FAM91A1: variants seen among roughly 807,000 people sequenced by gnomAD.
FAM91A1 encodes the protein family with sequence similarity 91 member A1.
FAM91A1 carries 41 observed loss-of-function variants against 113.5 expected under a neutral mutation model. The ratio of observed to expected loss-of-function variants is 0.36; its 90% CI spans 0.28 to 0.47. The LOEUF (loss-of-function observed/expected upper bound fraction) is 0.47. Among genes scored for constraint, FAM91A1 ranks in the 20% least tolerant of loss-of-function variants. The pLI is 1.00. For missense variants in FAM91A1, 696 were observed against 1,001.2 expected (o/e 0.70, Z 4.11); for synonymous variants, 307 against 347.9 (o/e 0.88, Z 1.31).
chr8:123,803,753 T>C (rs1238544424), intron 18 of FAM91A1, among the ~76,000 whole-genome samples: 1 of 152,254 alleles, frequency 6.6e-6, no homozygotes, highest in Non-Finnish European at 1.5e-5. Context: ...TAATTTATTT[T>C]AGCCATCAGG....
chr8:123,773,777 G>A (rs1439131772), intron 1 of FAM91A1, among the ~76,000 whole-genome samples: 3 of 152,088 alleles, frequency 2.0e-5, no homozygotes, highest in Non-Finnish European at 4.4e-5. Context: ...GCAGAACTTA[G>A]TTCTTTGTTA....
chr8:123,805,349 G>A lies in FAM91A1; in HGVS notation c.1882+10G>A, dbSNP rs374804267. On this transcript the variant is annotated intron_variant, in intron 19 of 23. Coordinates refer to ENST00000334705, the MANE Select transcript of FAM91A1 (RefSeq NM_144963.4). ...ACAGAACTACAAGGAGGTACCTTTTGAATTGTATCTATTGACTTTTTTTTT... is the reference window on the plus strand; with the variant it reads ...ACAGAACTACAAGGAGGTACCTTTTAAATTGTATCTATTGACTTTTTTTTT... 1.6e-5 allele frequency: 25 copies of A among 1,590,934 alleles called. No individual in the cohort carries two copies. The highest frequency in any genetic ancestry group is 1.8e-5 in the Non-Finnish European group (21 of 1,167,226).
At chr8:123,811,190 A>T (rs1815945176) in intron 23 of FAM91A1, 1 of 152,178 alleles carries the variant, frequency 6.6e-6, no homozygotes, top group Admixed American at 6.5e-5. Context: ...GAAACAAATG[A>T]AGCCCAGTGT....
intron 15 of FAM91A1, among the ~76,000 whole-genome samples, chr8:123,791,827 A>C (rs926447838): frequency 3.9e-5 from 6 of 152,194 alleles, no homozygotes; most frequent in Non-Finnish European, 7.3e-5. Context: ...CTGTTGAGAA[A>C]TGTTGCTTTC....
chr8:123,773,465 A>G (rs1814906647), intron 1 of FAM91A1, among the ~76,000 whole-genome samples: 1 of 152,356 alleles, frequency 6.6e-6, no homozygotes, highest in East Asian at 1.9e-4. Flanking sequence ...GAACACTGCA[A>G]CAAAACACTA....
intron 1 of FAM91A1, among the ~76,000 whole-genome samples, chr8:123,772,847 AG>A (rs1304475716): frequency 2.0e-5 from 3 of 152,214 alleles, no homozygotes; most frequent in African/African-American, 7.2e-5. Flanking sequence ...TACTACAATA[AG>A]CTAGAGAAAA....
At chr8:123,785,766 G>C (rs780975232) in intron 11 of FAM91A1, 25 bp downstream of exon 11, 2 of 1,326,216 alleles carry the variant, frequency 1.5e-6, no homozygotes, top group African/African-American at 3.0e-5. Context: ...TTCAGTATGA[G>C]CTATTAGAGT....
intron 8 of FAM91A1, among the ~76,000 whole-genome samples, chr8:123,782,997 C>T (rs1297616767): frequency 1.3e-5 from 2 of 151,974 alleles, no homozygotes; most frequent in Non-Finnish European, 1.5e-5. Flanking sequence ...TAAAGGGACC[C>T]CTTCTCTACA....
intron 14 of FAM91A1, among the ~76,000 whole-genome samples, chr8:123,789,093 A>G (rs1247452815): frequency 6.6e-6 from 1 of 152,154 alleles, no homozygotes; most frequent in African/African-American, 2.4e-5. Context: ...CCATTACTCT[A>G]TCCTTATCTC....
At chr8:123,775,340 A>G in intron 3 of FAM91A1, 42 bp downstream of exon 3, 1 of 1,593,658 alleles carries the variant, frequency 6.3e-7, no homozygotes, top group Non-Finnish European at 8.6e-7. Context: ...ATGGGATGGG[A>G]CTACATGTCT....
At chr8:123,810,816 A>G (rs1815937424) in intron 23 of FAM91A1, 1 of 169,228 alleles carries the variant, frequency 5.9e-6, no homozygotes, top group African/African-American at 2.4e-5. Context: ...TTCTGTTCAG[A>G]ATATCTAATT....
chr8:123,785,904 A>G (rs1229797279), intron 11 of FAM91A1, 163 bp downstream of exon 11: 7 of 495,292 alleles, frequency 1.4e-5, no homozygotes, highest in Non-Finnish European at 2.5e-5. Context: ...TGCAACCTCC[A>G]CCTCCCCGTT....
At chr8:123,794,326 G>A (rs181025053) in intron 15 of FAM91A1, among the ~76,000 whole-genome samples, 3 of 152,250 alleles carry the variant, frequency 2.0e-5, no homozygotes, top group Non-Finnish European at 2.9e-5. Context: ...AATATATGTA[G>A]ATACTAGTCT....
intron 10 of FAM91A1, 26 bp from the exon 11 acceptor site, chr8:123,785,603 A>T (rs1815232536): frequency 6.9e-7 from 1 of 1,439,512 alleles, no homozygotes; most frequent in Admixed American, 1.8e-5. Flanking sequence ...TTAAATGGTA[A>T]TTAGTTTCCT....
chr8:123,785,859 C>A, intron 11 of FAM91A1, 118 bp downstream of exon 11: 1 of 645,686 alleles, frequency 1.5e-6, no homozygotes, highest in Non-Finnish European at 2.5e-6. Flanking sequence ...TCTCTGTCAT[C>A]CAGGCTGGAG....
chr8:123,778,707 G>A lies in FAM91A1; in HGVS notation c.484G>A (p.Val162Met). The A allele has an allele frequency of 6.2e-7, 1 of 1,609,940 alleles. No individual in the cohort carries two copies. The highest frequency in any genetic ancestry group is 8.5e-7 in the Non-Finnish European group (1 of 1,178,668). The change falls in exon 6 of 24, where the codon GTG becomes ATG. Residue 162 changes from valine (V) to methionine (M), a missense_variant. Physicochemically the swap from Val to Met is conservative, Grantham distance 21. Coordinates refer to ENST00000334705, the MANE Select transcript of FAM91A1 (RefSeq NM_144963.4). ...TARDLLPIKP[V>M]EIAIEAWWVV... is the part of the protein sequence containing the mutation. Reference sequence around the variant, plus strand: ...CCGTGATCTTCTACCAATAAAGCCAGTGGAAATTGCCATAGAGGCGTGGTG... The same window carrying A: ...CCGTGATCTTCTACCAATAAAGCCAATGGAAATTGCCATAGAGGCGTGGTG...
intron 15 of FAM91A1, among the ~76,000 whole-genome samples, chr8:123,796,843 A>C (rs1815533532): frequency 5.3e-5 from 8 of 149,868 alleles, no homozygotes; most frequent in Admixed American, 1.3e-4. Flanking sequence ...GTGGGCAGAT[A>C]ACGAGGTCAG....
At chr8:123,788,948 C>T (rs1049182294) in intron 14 of FAM91A1, among the ~76,000 whole-genome samples, 6 of 152,044 alleles carry the variant, frequency 3.9e-5, no homozygotes, top group Admixed American at 6.6e-5. Context: ...GTTATTTTCC[C>T]GTTGGTAGAC....
At chr8:123,771,588 G>A (rs1443612512) in intron 1 of FAM91A1, among the ~76,000 whole-genome samples, 1 of 152,132 alleles carries the variant, frequency 6.6e-6, no homozygotes, top group Non-Finnish European at 1.5e-5. Context: ...AAAAATTGTG[G>A]ATGGGGCCAT....
Sources: allele counts gnomAD v4.1 joint callset (sites outside exome capture counted in the v4.1 genomes callset), GRCh38; gene constraint gnomAD v4.1.1; transcripts MANE v1.5; gene names NCBI Gene and HGNC (gene_info 2026-07-23, HGNC 2026-07-21).